Variants in KLHL1 observed in about 807,000 individuals in gnomAD.
The protein encoded by KLHL1 is kelch-like protein 1.
A neutral mutation model predicts 77.7 loss-of-function variants in KLHL1; 47 were observed. That is an observed-to-expected ratio of 0.60 (90% CI 0.48 to 0.77). KLHL1 has a LOEUF of 0.77. KLHL1 is among the 30% of genes least tolerant of loss of function. The probability of loss-of-function intolerance (pLI) is 0.00; values close to 1 mark genes in which losing one functional copy is unlikely to be tolerated. For missense variants in KLHL1, 925 were observed against 910.8 expected, an observed-to-expected ratio of 1.02 and a Z score of -0.20; for synonymous variants, 360 against 325.2, an observed-to-expected ratio of 1.11 and a Z score of -1.15.
chr13:70,055,949 C>T (rs1886734647), intron 1 of KLHL1, among the ~76,000 whole-genome samples: 1 of 151,866 alleles, frequency 6.6e-6, no homozygotes, highest in African/African-American at 2.4e-5. Flanking sequence ...ACAAAACAAA[C>T]TAACACTAAT....
intron 1 of KLHL1, among the ~76,000 whole-genome samples, chr13:70,090,561 G>T (rs1277103321): frequency 2.0e-5 from 3 of 151,782 alleles, no homozygotes; most frequent in Non-Finnish European, 2.9e-5. Context: ...TGACAGATGT[G>T]AGGCACACAA....
chr13:69,985,605 C>T (rs995854316), intron 1 of KLHL1, among the ~76,000 whole-genome samples: 1 of 151,224 alleles, frequency 6.6e-6, no homozygotes, highest in Non-Finnish European at 1.5e-5. Flanking sequence ...AAACAGACTA[C>T]CATATGATCC....
intron 1 of KLHL1, among the ~76,000 whole-genome samples, chr13:70,014,662 T>C (rs531855902): frequency 2.0e-5 from 3 of 152,286 alleles, no homozygotes; most frequent in East Asian, 1.9e-4. Context: ...CCAATTGCTG[T>C]AGGATCTTTA....
intron 8 of KLHL1, among the ~76,000 whole-genome samples, chr13:69,726,106 A>C (rs906226144): frequency 7.2e-5 from 11 of 152,124 alleles, no homozygotes; most frequent in Non-Finnish European, 1.6e-4. Flanking sequence ...TTTACCAATA[A>C]AGGATATTTC....
chr13:69,854,947 T>A, intron 5 of KLHL1, among the ~76,000 whole-genome samples: 1 of 151,962 alleles, frequency 6.6e-6, no homozygotes, highest in East Asian at 1.9e-4. Flanking sequence ...AAATATATTT[T>A]TACAAGAAAA....
At chr13:69,771,310 G>A (rs1875555141) in intron 7 of KLHL1, among the ~76,000 whole-genome samples, 1 of 149,148 alleles carries the variant, frequency 6.7e-6, no homozygotes, top group African/African-American at 2.5e-5. Context: ...TTCTTCTTTG[G>A]CATCTTATAA....
At chr13:69,799,615 T>C (rs1877285979) in intron 6 of KLHL1, among the ~76,000 whole-genome samples, 1 of 152,222 alleles carries the variant, frequency 6.6e-6, no homozygotes, top group Non-Finnish European at 1.5e-5. Context: ...CTGTTAAGAA[T>C]ATTTCCAATT....
chr13:69,770,779 C>A (rs1220559952), intron 7 of KLHL1, among the ~76,000 whole-genome samples: 1 of 152,128 alleles, frequency 6.6e-6, no homozygotes, highest in Non-Finnish European at 1.5e-5. Flanking sequence ...CATGGAGTCT[C>A]ACTCTGTTGC....
chr13:70,069,896 C>T (rs543763875), intron 1 of KLHL1, among the ~76,000 whole-genome samples: 5 of 151,664 alleles, frequency 3.3e-5, no homozygotes, highest in South Asian at 2.1e-4. Context: ...AGGCCGGGCA[C>T]GGTGGCTCAT....
chr13:69,750,858 C>A (rs1416370848), intron 7 of KLHL1, among the ~76,000 whole-genome samples: 1 of 151,926 alleles, frequency 6.6e-6, no homozygotes, highest in Non-Finnish European at 1.5e-5. Context: ...ATCGTGGTTG[C>A]ACATTGAAAT....
chr13:69,879,683 C>CA (rs1566357790), intron 5 of KLHL1, among the ~76,000 whole-genome samples: 1 of 151,984 alleles, frequency 6.6e-6, no homozygotes. Context: ...TTCAATTAAA[C>CA]TTTTTTTTCA....
chr13:69,903,506 TCG>T (rs1491017348), intron 4 of KLHL1, among the ~76,000 whole-genome samples: 8 of 94 alleles, frequency 0.085, no homozygotes, highest in African/African-American at 0.31. Context: ...AACCCTTTCT[TCG>T]TTCTAGTTCT....
chr13:69,868,920 A>G (rs1414810820), intron 5 of KLHL1, among the ~76,000 whole-genome samples: 1 of 152,114 alleles, frequency 6.6e-6, no homozygotes, highest in African/African-American at 2.4e-5. Flanking sequence ...CTTTCCTGCA[A>G]TCATAATCCA....
Position 70,073,034 on chromosome 13 carries a change from A to C in KLHL1, c.497+34169T>G, listed in dbSNP as rs189674876. 2.0e-5 allele frequency among the ~76,000 whole-genome samples: 3 copies of C among 152,238 alleles called. No homozygotes were observed. In the East Asian group the frequency reaches 5.8e-4, roughly 29 times the overall value. On this transcript the variant is annotated intron_variant, in intron 1 of 10. Coordinates refer to ENST00000377844, the MANE Select transcript of KLHL1 (RefSeq NM_020866.3). ...TCAAGGATCTAGAACTAGAAATACC[A>C]TTTGACCCAGCCATCCCATTACTGG...
At chr13:69,773,161 A>T (rs1433538710) in intron 7 of KLHL1, among the ~76,000 whole-genome samples, 1 of 152,042 alleles carries the variant, frequency 6.6e-6, no homozygotes. Flanking sequence ...GATATATATT[A>T]AATTATTTAT....
At chr13:69,751,871 A>T (rs1437980003) in intron 7 of KLHL1, among the ~76,000 whole-genome samples, 1 of 152,060 alleles carries the variant, frequency 6.6e-6, no homozygotes, top group African/African-American at 2.4e-5. Context: ...ATGCAAGTTG[A>T]CATAAGGAAA....
chr13:69,798,304 T>C (rs1014283266), intron 6 of KLHL1, among the ~76,000 whole-genome samples: 32 of 152,312 alleles, frequency 2.1e-4, no homozygotes, highest in African/African-American at 7.5e-4. Context: ...TGGGGACTCA[T>C]TTACTCTTTA....
chr13:70,071,680 A>T (rs1168775776), intron 1 of KLHL1, among the ~76,000 whole-genome samples: 5 of 152,114 alleles, frequency 3.3e-5, no homozygotes, highest in Admixed American at 3.3e-4. Flanking sequence ...AAAAAAGGAT[A>T]ACTGGAAAAT....
intron 4 of KLHL1, among the ~76,000 whole-genome samples, chr13:69,932,688 G>T (rs1468773940): frequency 6.6e-6 from 1 of 151,894 alleles, no homozygotes; most frequent in Non-Finnish European, 1.5e-5. Flanking sequence ...GCTTGTGTGT[G>T]TGTGTGTTGC....
Sources: gnomAD v4.1 joint callset for allele counts (sites outside exome capture counted in the v4.1 genomes callset) on GRCh38, gnomAD v4.1.1 for gene constraint, MANE v1.5 for transcripts, NCBI Gene and HGNC (gene_info 2026-07-23, HGNC 2026-07-21) for gene names.